The following PTPRD variants were observed in gnomAD, a reference collection of about 807,000 sequenced individuals.
PTPRD encodes receptor-type tyrosine-protein phosphatase delta.
A neutral mutation model predicts 214.5 loss-of-function variants in PTPRD; 34 were observed. That is an observed-to-expected ratio of 0.16 (90% CI 0.12 to 0.21). PTPRD has a LOEUF of 0.21. Among genes scored for constraint, PTPRD ranks in the 10% least tolerant of loss-of-function variants. PTPRD has a pLI of 1.00. For missense variants in PTPRD, 2,545 were observed against 2,398.7 expected, an observed-to-expected ratio of 1.06 and a Z score of -1.27; for synonymous variants, 1,128 against 845.7, an observed-to-expected ratio of 1.33 and a Z score of -5.79.
chr9:8,421,992 GAA>G (rs2094396334), intron 35 of PTPRD, among the ~76,000 whole-genome samples: 2 of 151,286 alleles, frequency 1.3e-5, no homozygotes, highest in Admixed American at 6.6e-5. Context: ...TACAAAAAAT[GAA>G]AAGTTAGCCA....
intron 9 of PTPRD, among the ~76,000 whole-genome samples, chr9:9,198,724 C>T (rs1236985023): frequency 6.6e-6 from 1 of 152,106 alleles, no homozygotes; most frequent in East Asian, 1.9e-4. Flanking sequence ...TGGATAGATG[C>T]CTTATGATTC....
chr9:10,570,493 C>G (rs967789511), intron 2 of PTPRD, among the ~76,000 whole-genome samples: 1 of 151,868 alleles, frequency 6.6e-6, no homozygotes, highest in Non-Finnish European at 1.5e-5. Context: ...ATAGTATGAG[C>G]GGAAGAATAG....
At chr9:9,515,088 A>G (rs960063633) in intron 8 of PTPRD, among the ~76,000 whole-genome samples, 5 of 152,110 alleles carry the variant, frequency 3.3e-5, no homozygotes, top group South Asian at 2.1e-4. Context: ...TCAATCATTC[A>G]GGGAGCTAAA....
At chr9:9,442,070 G>C (rs1313658249) in intron 8 of PTPRD, 2 of 152,380 alleles carry the variant, frequency 1.3e-5, no homozygotes, top group Non-Finnish European at 2.9e-5. Context: ...GCCGGGCGCG[G>C]TGGCGCGTGC....
At chr9:9,036,864 C>T (rs896149709) in intron 10 of PTPRD, among the ~76,000 whole-genome samples, 1 of 152,084 alleles carries the variant, frequency 6.6e-6, no homozygotes, top group Non-Finnish European at 1.5e-5. Flanking sequence ...TTGACAGGAA[C>T]AAAGCAACAG....
intron 8 of PTPRD, among the ~76,000 whole-genome samples, chr9:9,516,233 T>TCTAAATCAATGCGTACTCA (rs141279181): frequency 6.6e-6 from 1 of 151,600 alleles, no homozygotes; most frequent in East Asian, 1.9e-4. Flanking sequence ...CTACAGTCCA[T>TCTAAATCAATGCGTACTCA]CTAAATCTAT....
chr9:10,264,489 C>T (rs2093918567), intron 3 of PTPRD, among the ~76,000 whole-genome samples: 1 of 152,160 alleles, frequency 6.6e-6, no homozygotes. Context: ...GACTGCCCTG[C>T]TGGATTTTGG....
intron 3 of PTPRD, among the ~76,000 whole-genome samples, chr9:10,205,500 G>A (rs556142908): frequency 6.6e-6 from 1 of 152,056 alleles, no homozygotes; most frequent in East Asian, 1.9e-4. Flanking sequence ...CCACCTCCCA[G>A]ATTCAAGTGA....
intron 10 of PTPRD, among the ~76,000 whole-genome samples, chr9:9,081,003 GC>G (rs1489557689): frequency 1.3e-5 from 2 of 151,692 alleles, no homozygotes; most frequent in African/African-American, 4.8e-5. Context: ...CTTCAGTTCT[GC>G]TTTGATCTTA....
intron 2 of PTPRD, among the ~76,000 whole-genome samples, chr9:10,544,509 T>C (rs2130803579): frequency 6.6e-6 from 1 of 152,262 alleles, no homozygotes; most frequent in South Asian, 2.1e-4. Flanking sequence ...TGTCTCTCAA[T>C]AATGGGATAA....
At chr9:8,553,366 A>G (rs964622082) in intron 14 of PTPRD, among the ~76,000 whole-genome samples, 6 of 152,200 alleles carry the variant, frequency 3.9e-5, no homozygotes, top group African/African-American at 1.4e-4. Flanking sequence ...GAGCTCAAAC[A>G]GTGGGCCTGA....
At chr9:8,844,005 G>T (rs897571809) in intron 11 of PTPRD, among the ~76,000 whole-genome samples, 3 of 152,162 alleles carry the variant, frequency 2.0e-5, no homozygotes, top group Non-Finnish European at 4.4e-5. Flanking sequence ...CACCCATGAT[G>T]AAGAAGCCAG....
chr9:8,394,423 G>A (rs2090513091), intron 36 of PTPRD, among the ~76,000 whole-genome samples: 1 of 152,096 alleles, frequency 6.6e-6, no homozygotes, highest in African/African-American at 2.4e-5. Context: ...TACACTGTAG[G>A]TAAAGTCACG....
intron 14 of PTPRD, among the ~76,000 whole-genome samples, chr9:8,567,313 A>C (rs1317199213): frequency 6.6e-6 from 1 of 152,144 alleles, no homozygotes; most frequent in Non-Finnish European, 1.5e-5. Context: ...CCCTCCTCTC[A>C]GACAAATGTT....
chr9:9,305,824 G>C (rs1328351108), intron 9 of PTPRD, among the ~76,000 whole-genome samples: 1 of 152,148 alleles, frequency 6.6e-6, no homozygotes, highest in Non-Finnish European at 1.5e-5. Flanking sequence ...GCCAATCAGA[G>C]ATTAAAGTGA....
At chr9:9,999,095 A>G (rs1013526379) in intron 4 of PTPRD, among the ~76,000 whole-genome samples, 3 of 152,198 alleles carry the variant, frequency 2.0e-5, no homozygotes, top group Admixed American at 6.5e-5. Context: ...CAAATGGCCA[A>G]CCCCAGGAAA....
intron 11 of PTPRD, among the ~76,000 whole-genome samples, chr9:8,972,483 T>C (rs1228069044): frequency 6.6e-6 from 1 of 150,420 alleles, no homozygotes; most frequent in Non-Finnish European, 1.5e-5. Flanking sequence ...GAAGAATTAG[T>C]GTAGAAGAAA....
intron 10 of PTPRD, among the ~76,000 whole-genome samples, chr9:9,176,864 G>A (rs917416229): frequency 2.6e-5 from 4 of 152,032 alleles, no homozygotes; most frequent in African/African-American, 9.7e-5. Context: ...AATTACTCAT[G>A]CGGGGGTATT....
intron 2 of PTPRD, among the ~76,000 whole-genome samples, chr9:10,422,842 T>C (rs1156963454): frequency 9.9e-5 from 15 of 152,188 alleles, no homozygotes. Context: ...TAGGAAAGCT[T>C]TTACACTGTT....
Sources: gnomAD v4.1 joint callset for allele counts (sites outside exome capture counted in the v4.1 genomes callset) on GRCh38, gnomAD v4.1.1 for gene constraint, MANE v1.5 for transcripts, NCBI Gene and HGNC (gene_info 2026-07-23, HGNC 2026-07-21) for gene names.